UPF2: variants seen among roughly 807,000 people sequenced by gnomAD.
UPF2 encodes regulator of nonsense transcripts 2.
UPF2 carries 17 observed loss-of-function variants against 141.4 expected under a neutral mutation model. The ratio of observed to expected loss-of-function variants is 0.12; its 90% CI spans 0.08 to 0.18. UPF2 has a LOEUF of 0.18. Among genes scored for constraint, UPF2 ranks in the 10% least tolerant of loss-of-function variants. The pLI is 1.00. For missense variants in UPF2, 1,152 were observed against 1,515.9 expected (o/e 0.76, Z 3.99); for synonymous variants, 540 against 498.0 (o/e 1.08, Z -1.12).
At chr10:11,972,556 C>T (rs1193045855) in intron 9 of UPF2, among the ~76,000 whole-genome samples, 6 of 152,100 alleles carry the variant, frequency 3.9e-5, no homozygotes, top group South Asian at 4.2e-4. Context: ...CGACAGGCCC[C>T]GGTGCGTGAT....
intron 16 of UPF2, among the ~76,000 whole-genome samples, chr10:11,946,771 G>A (rs1363551554): frequency 6.6e-6 from 1 of 151,610 alleles, no homozygotes; most frequent in Non-Finnish European, 1.5e-5. Context: ...AAAGAAACAG[G>A]GTCTCACTAT....
At chr10:11,941,652 TTA>T (rs1456806460) in intron 18 of UPF2, among the ~76,000 whole-genome samples, 1 of 152,100 alleles carries the variant, frequency 6.6e-6, no homozygotes, top group East Asian at 1.9e-4. Flanking sequence ...TCCTCAAGAC[TTA>T]TCTATATGTA....
Position 11,936,135 on chromosome 10 carries a change from C to G in UPF2, c.3546+410G>C, listed in dbSNP as rs1832846909. Among the ~76,000 whole-genome samples, 1 of 151,964 alleles carries G rather than the reference C, an allele frequency of 6.6e-6. No individual in the cohort carries two copies. The highest frequency in any genetic ancestry group is 1.5e-5 in the Non-Finnish European group (1 of 67,982). On this transcript the variant is annotated intron_variant, in intron 19 of 21. Coordinates refer to ENST00000357604, the MANE Select transcript of UPF2 (RefSeq NM_015542.4). The surrounding 1 kb of genome is among the most constrained non-coding windows in gnomAD (Gnocchi z 6.6). Reference sequence around the variant, plus strand: ...CTATAATCCAAGCACTTTGGGAGGCCGAGATGGGCAGATCACCTGAGGTCA... The same window carrying G: ...CTATAATCCAAGCACTTTGGGAGGCGGAGATGGGCAGATCACCTGAGGTCA...
chr10:12,020,505 C>A (rs1834299479), intron 3 of UPF2, among the ~76,000 whole-genome samples: 1 of 152,040 alleles, frequency 6.6e-6, no homozygotes, highest in Non-Finnish European at 1.5e-5. Context: ...CCAGCCTCAG[C>A]CAAGCTACTA....
intron 16 of UPF2, among the ~76,000 whole-genome samples, chr10:11,948,090 A>C (rs1332365040): frequency 6.6e-6 from 1 of 151,786 alleles, no homozygotes; most frequent in Non-Finnish European, 1.5e-5. Context: ...TCTACTAAAA[A>C]TACAAAAATT....
intron 8 of UPF2, among the ~76,000 whole-genome samples, chr10:11,988,519 G>A (rs755375040): frequency 7.2e-5 from 11 of 152,114 alleles, no homozygotes; most frequent in African/African-American, 2.2e-4. Context: ...TGTCTAGGCC[G>A]GTCTCAGACT....
rs1445548768 is a variant in UPF2, at chr10:11,952,054, T to A, written c.3034+12A>T. 1.2e-6 allele frequency: 2 copies of A among 1,611,974 alleles called. No homozygotes were observed. Among genetic ancestry groups the A allele is most frequent in the Admixed American group, 1.7e-5 (1 of 59,910 alleles). On this transcript the variant is annotated intron_variant, in intron 15 of 21. Transcript: ENST00000357604. ...TATCACCTTCATTTTCTGTCTGCAATCAATTGCTTACCTAGTTTTATTAAG... is the reference window on the plus strand; with the variant it reads ...TATCACCTTCATTTTCTGTCTGCAAACAATTGCTTACCTAGTTTTATTAAG...
chr10:11,928,401 TTACTTACCCTTAAA>T (rs1832739668), intron 21 of UPF2, among the ~76,000 whole-genome samples: 1 of 152,042 alleles, frequency 6.6e-6, no homozygotes, highest in African/African-American at 2.4e-5. Context: ...ACACTTTAAA[TTACTTACCCTTAAA>T]AAACATAAAA....
chr10:11,972,320 T>A (rs145648612), intron 9 of UPF2, among the ~76,000 whole-genome samples: 2,288 of 152,316 alleles, frequency 0.015, 25 homozygotes, highest in South Asian at 0.02. Flanking sequence ...TACTGTAGGC[T>A]AAACATAAAA....
At chr10:11,927,179 A>C (rs1832724017) in intron 21 of UPF2, among the ~76,000 whole-genome samples, 1 of 152,190 alleles carries the variant, frequency 6.6e-6, no homozygotes, top group Non-Finnish European at 1.5e-5. Flanking sequence ...GGAGGGAGGC[A>C]AATCCTACTG....
At position 11,976,757 on chromosome 10, in the gene UPF2, A is replaced by AT. The variant is rs1170677680; in HGVS notation, c.1953+2299dup. ...TCAGCTAGGAAAAAAGGTGGAGGAG[A>AT]TTAAGAATAGTAACACAAGTAAGAA... is the stretch of plus-strand genomic sequence containing the variant. On this transcript the variant is annotated intron_variant, in intron 9 of 21. Transcript: ENST00000357604. Among the ~76,000 whole-genome samples, 9 of 152,330 alleles carry AT rather than the reference A, an allele frequency of 5.9e-5. No homozygotes were observed. The South Asian group carries it at 6.2e-4, about 11-fold the overall frequency.
chr10:12,028,601 A>C (rs1378250307), intron 3 of UPF2, 144 bp downstream of exon 3: 1 of 781,314 alleles, frequency 1.3e-6, no homozygotes, highest in Non-Finnish European at 2.0e-6. Context: ...AGACTGTTCT[A>C]CTTTGAAATT....
At chr10:11,972,789 G>A (rs1430993235) in intron 9 of UPF2, among the ~76,000 whole-genome samples, 3 of 152,138 alleles carry the variant, frequency 2.0e-5, no homozygotes, top group Non-Finnish European at 4.4e-5. Flanking sequence ...ATCACTGATG[G>A]GCATTTGGGT....
In UPF2 at chr10:12,019,277, T is replaced by C. The variant is rs568395823; in HGVS notation, c.1146-5093A>G. Among the ~76,000 whole-genome samples the C allele has an allele frequency of 1.3e-5, 2 of 152,330 alleles. No individual in the cohort carries two copies. Among genetic ancestry groups the C allele is most frequent in the East Asian group, 1.9e-4 (1 of 5,192 alleles). On this transcript the variant is annotated intron_variant, in intron 3 of 21. Transcript: ENST00000357604. The surrounding 1 kb of genome is among the most constrained non-coding windows in gnomAD (Gnocchi z 4.5). The stretch of plus-strand genomic sequence containing the variant: ...AACACAAAAGCTGCCACAGACAATA[T>C]GTAAACAAATGAGGGTGACTGTAAT...
chr10:11,976,891 C>A (rs1588547968), intron 9 of UPF2, among the ~76,000 whole-genome samples: 1 of 152,168 alleles, frequency 6.6e-6, no homozygotes, highest in East Asian at 1.9e-4. Flanking sequence ...TCCTTAAGAA[C>A]AATCCTATTT....
rs11595168 is a variant in UPF2 at position 12,001,791 on chromosome 10, T to G, written c.1539A>C (p.Ser513=). 0.071 allele frequency: 115,049 copies of G among 1,610,936 alleles called. 4,620 individuals carry two copies. Among genetic ancestry groups the G allele is most frequent in the Non-Finnish European group, 0.082 (97,042 of 1,178,632 alleles). ...ACTCAAGTTCCAAATCATCGGGACT[T>G]GATACCTCCTTATTCTCCTTAGATT... The part of the protein sequence containing the change: ...AKESKENKEV[S]SPDDLELELE... Residue 513 remains serine (S), a synonymous_variant, in exon 6 of 22, where the codon TCA becomes TCC. Transcript: ENST00000357604.
rs1396468874 is a variant in UPF2 at position 11,936,548 on chromosome 10, C to A, written c.3543G>T (p.Gln1181His). Residue 1181 changes from glutamine to histidine, a missense_variant, in exon 19 of 22, where the codon CAG becomes CAT. This residue lies in a region of UPF2 where 66 missense variants were observed against 123.5 expected (regional missense o/e 0.53). Coordinates refer to ENST00000357604, the MANE Select transcript of UPF2 (RefSeq NM_015542.4). This position sits in a 1 kb window ranked among gnomAD's most constrained non-coding sequence, Gnocchi z 6.6. The part of the protein sequence containing the change: ...FVMLTRKGNK[Q>H]QFKILNVPMS... ...TACAGGGCGGGCAGTTTCTTACCTGCTGTTTATTGCCTTTTCTTGTTAACA... is the reference window on the plus strand; with the variant it reads ...TACAGGGCGGGCAGTTTCTTACCTGATGTTTATTGCCTTTTCTTGTTAACA... 1.3e-6 allele frequency: 2 copies of A among 1,598,858 alleles called. No individual in the cohort carries two copies. Among genetic ancestry groups the A allele is most frequent in the African/African-American group, 1.3e-5 (1 of 74,156 alleles).
chr10:11,959,109 T>C lies in UPF2; in HGVS notation c.2370+62A>G, dbSNP rs1309439575. The C allele has an allele frequency of 6.7e-7, 1 of 1,494,618 alleles. No individual in the cohort carries two copies. The highest frequency in any genetic ancestry group is 8.9e-7 in the Non-Finnish European group (1 of 1,123,946). The allele number at this position is 1,494,618 out of a possible 1,614,324, so 92.6% of individuals were successfully genotyped here. A position where few individuals can be genotyped will look rare whatever the true frequency, so the allele number is the denominator to read the frequency against. On this transcript the variant is annotated intron_variant, in intron 12 of 21. Transcript: ENST00000357604. The surrounding 1 kb of genome is among the most constrained non-coding windows in gnomAD (Gnocchi z 5.9). ...ACCCCCACTTCTCCTAGACTCTACA[T>C]AAGCTTAGCACTACCACAAATCTCA...
chr10:11,961,303 C>G (rs1469610327), intron 11 of UPF2, among the ~76,000 whole-genome samples: 1 of 151,906 alleles, frequency 6.6e-6, no homozygotes, highest in African/African-American at 2.4e-5. Context: ...GTACTGAGAT[C>G]CGAAACAACA....
Sources: allele counts gnomAD v4.1 joint callset (sites outside exome capture counted in the v4.1 genomes callset), GRCh38; gene constraint gnomAD v4.1.1; regional missense constraint gnomAD v4.1.1; non-coding constraint Gnocchi (gnomAD v3.1); transcripts MANE v1.5; gene names NCBI Gene and HGNC (gene_info 2026-07-23, HGNC 2026-07-21).